NTMT2: variants seen among roughly 807,000 people sequenced by gnomAD.
NTMT2 encodes the protein N-terminal Xaa-Pro-Lys N-methyltransferase 2, also known as X-Pro-Lys N-terminal protein methyltransferase 1B.
In NTMT2, 21 loss-of-function variants were observed where a neutral mutation model predicts 23.4. That is an observed-to-expected ratio of 0.90 (90% CI 0.64 to 1.29). NTMT2 has a LOEUF of 1.29. Ranked by LOEUF, NTMT2 falls within the 50% of genes most tolerant of loss-of-function variation. The pLI is 0.00. For synonymous variants in NTMT2, 131 were observed against 127.7 expected, an observed-to-expected ratio of 1.03 and a Z score of -0.17; for missense variants, 336 against 352.0, an observed-to-expected ratio of 0.95 and a Z score of 0.36.
intron 2 of NTMT2, among the ~76,000 whole-genome samples, chr1:170,163,896 T>G (rs987794500): frequency 2.0e-5 from 3 of 152,030 alleles, no homozygotes; most frequent in Non-Finnish European, 4.4e-5. Flanking sequence ...CTGAGGCGGG[T>G]GGCTCACCTG....
At chr1:170,152,497 A>C (rs1673089021) in intron 1 of NTMT2, among the ~76,000 whole-genome samples, 1 of 152,184 alleles carries the variant, frequency 6.6e-6, no homozygotes, top group Admixed American at 6.5e-5. Context: ...GAAACACTAA[A>C]CTAGCCCTCA....
chr1:170,166,788 C>G, intron 3 of NTMT2, 37 bp downstream of exon 3: 2 of 1,547,014 alleles, frequency 1.3e-6, no homozygotes, highest in South Asian at 2.4e-5. Context: ...CTTTTCTCCC[C>G]TTCTCAGCCA....
chr1:170,155,747 A>G (rs1673153062), intron 1 of NTMT2, among the ~76,000 whole-genome samples: 1 of 152,130 alleles, frequency 6.6e-6, no homozygotes, highest in Non-Finnish European at 1.5e-5. Context: ...AGCAGAGGTA[A>G]GCACTTAGCT....
chr1:170,159,860 C>T (rs773065346), intron 1 of NTMT2, among the ~76,000 whole-genome samples: 6 of 152,184 alleles, frequency 3.9e-5, no homozygotes, highest in Non-Finnish European at 8.8e-5. Flanking sequence ...ACATATTTTT[C>T]TTATACATTT....
intron 2 of NTMT2, chr1:170,161,602 C>T (rs1483063288): frequency 6.6e-6 from 1 of 152,084 alleles, no homozygotes; most frequent in African/African-American, 2.4e-5. Flanking sequence ...TCTCTTGTGA[C>T]TAGGGCATGA....
At chr1:170,151,513 A>G in intron 1 of NTMT2, 1 of 154,312 alleles carries the variant, frequency 6.5e-6, no homozygotes, top group Middle Eastern at 5.4e-4. Context: ...AACTCACCAT[A>G]CAGCTATTGG....
intron 1 of NTMT2, chr1:170,158,105 G>A (rs1673200432): frequency 1.3e-5 from 2 of 152,036 alleles, no homozygotes; most frequent in Admixed American, 6.6e-5. Flanking sequence ...TCTGAAGAAT[G>A]AATCTATAGG....
At chr1:170,146,788 T>A (rs1207823367) in intron 1 of NTMT2, among the ~76,000 whole-genome samples, 1 of 152,164 alleles carries the variant, frequency 6.6e-6, no homozygotes, top group Admixed American at 6.6e-5. Flanking sequence ...AAAAAGGAGA[T>A]TTTAGCTTGG....
Position 170,162,937 on chromosome 1 carries a change from G to A in NTMT2, c.330+2244G>A, listed in dbSNP as rs1024374849. Among the ~76,000 whole-genome samples, 88 of 152,090 alleles carry A rather than the reference G, an allele frequency of 5.8e-4. No homozygotes were observed. In the Middle Eastern group the frequency reaches 0.014, roughly 24 times the overall value. ...ACCTCGACTCTCCTCCAGTCTGGCT[G>A]AAAGCAATCCCTCCTGCTTGCCTCG... On this transcript the variant is annotated intron_variant, in intron 2 of 3. Transcript: ENST00000439373.
rs1672982086 is a variant in NTMT2 at position 170,147,296 on chromosome 1, TG to T, written c.154+1036del. Among the ~76,000 whole-genome samples, 4 of 152,358 alleles carry T rather than the reference TG, an allele frequency of 2.6e-5. No homozygotes were observed. In the South Asian group the frequency reaches 8.3e-4, roughly 32 times the overall value. On this transcript the variant is annotated intron_variant, in intron 1 of 3. Coordinates refer to ENST00000439373, the MANE Select transcript of NTMT2 (RefSeq NM_001136107.2). ...ACTTTTTATCGTCTATGACTTTATT[TG>T]ATTCTCATAGTCACACTATGAAATA...
Position 170,166,550 on chromosome 1 carries a change from A to G in NTMT2, c.379A>G (p.Ile127Val). The change falls in exon 3 of 4, where the codon ATA becomes GTA. Residue 127 changes from isoleucine to valine, a missense_variant. By Grantham distance (29) the Ile-to-Val change is conservative. Transcript: ENST00000439373. ...CTGCGCCTTGGACTGCGGCTCCGGG[A>G]TAGGAAGGGTCAGCAAACACGTCTT... ...TDCALDCGSGIGRVSKHVLLP... is the reference protein window; with the variant it reads ...TDCALDCGSGVGRVSKHVLLP... 6.4e-7 allele frequency: 1 copy of G among 1,552,278 alleles called. No homozygotes were observed. Among genetic ancestry groups the G allele is most frequent in the South Asian group, 1.2e-5 (1 of 84,046 alleles).
intron 1 of NTMT2, among the ~76,000 whole-genome samples, chr1:170,148,749 G>A (rs1032956146): frequency 5.9e-5 from 9 of 152,236 alleles, no homozygotes; most frequent in Admixed American, 2.0e-4. Flanking sequence ...TATTGGAGTT[G>A]TGGAGGGGAG....
At chr1:170,159,022 C>A (rs1673216977) in intron 1 of NTMT2, among the ~76,000 whole-genome samples, 1 of 151,276 alleles carries the variant, frequency 6.6e-6, no homozygotes, top group African/African-American at 2.4e-5. Context: ...GTTTTTCAGG[C>A]TTCTTATGTG....
intron 2 of NTMT2, among the ~76,000 whole-genome samples, chr1:170,162,665 C>T (rs1043471188): frequency 2.0e-5 from 3 of 152,102 alleles, no homozygotes; most frequent in African/African-American, 7.2e-5. Flanking sequence ...GAGGTAAGTG[C>T]TATTATTAGC....
chr1:170,168,769 T>C lies in NTMT2; in HGVS notation c.*1012T>C, dbSNP rs73023529. On this transcript the variant is annotated 3_prime_UTR_variant, in exon 4 of 4. Transcript: ENST00000439373. ...GGGTCTTGATTGATATGAATGTATA[T>C]TGGAAAGAGAAGCAGCAAAAGAAAT... Among the ~76,000 whole-genome samples, 2,541 of 152,272 alleles carry C rather than the reference T, an allele frequency of 0.017. 62 individuals are homozygous for C. Among genetic ancestry groups the C allele is most frequent in the African/African-American group, 0.058 (2,393 of 41,556 alleles).
chr1:170,158,554 A>G (rs941236263), intron 1 of NTMT2, among the ~76,000 whole-genome samples: 33 of 151,396 alleles, frequency 2.2e-4, no homozygotes, highest in African/African-American at 7.7e-4. Flanking sequence ...ATGTGGCTTT[A>G]AAAAAAAATC....
At position 170,166,140 on chromosome 1, in the gene NTMT2, CT is replaced by C. The variant is rs3040077; in HGVS notation, c.331-345del. On this transcript the variant is annotated intron_variant, in intron 2 of 3. Coordinates refer to ENST00000439373, the MANE Select transcript of NTMT2 (RefSeq NM_001136107.2). ...AATTTTCTTTCTTTTTTTTTTTTTT[CT>C]TTTTTTTTTTTTTTTTGAGACGGAG... 4.7e-4 allele frequency among the ~76,000 whole-genome samples: 32 copies of C among 67,834 alleles called. 1 individual carries two copies. In the South Asian group the frequency reaches 7.1e-3, roughly 15 times the overall value. 44.5% of individuals were successfully genotyped at this position (67,834 alleles called of 152,430 possible).
At position 170,148,262 on chromosome 1, in the gene NTMT2, C is replaced by T. The variant is rs192233859; in HGVS notation, c.154+2001C>T. On this transcript the variant is annotated intron_variant, in intron 1 of 3. Transcript: ENST00000439373. ...CTCCCAGGTTCACTCCATTCTCCTG[C>T]CTCAGCCTCCTGAGTAGCTGGGACT... 5.8e-4 allele frequency among the ~76,000 whole-genome samples: 87 copies of T among 149,014 alleles called. 1 individual carries two copies. In the East Asian group the frequency reaches 0.017, roughly 28 times the overall value.
intron 1 of NTMT2, among the ~76,000 whole-genome samples, chr1:170,159,937 G>A (rs1016639820): frequency 2.0e-5 from 3 of 152,142 alleles, no homozygotes; most frequent in African/African-American, 7.2e-5. Context: ...CAGAATGGCT[G>A]CACAATAAAT....
Sources: gnomAD v4.1 joint callset for allele counts (sites outside exome capture counted in the v4.1 genomes callset) on GRCh38, gnomAD v4.1.1 for gene constraint, MANE v1.5 for transcripts, NCBI Gene and HGNC (gene_info 2026-07-23, HGNC 2026-07-21) for gene names.